Variants in HS6ST2 observed in about 807,000 individuals in gnomAD.
HS6ST2 encodes heparan-sulfate 6-O-sulfotransferase 2.
Under a neutral mutation model 33.0 loss-of-function variants are expected in HS6ST2, and 17 were observed. That is an observed-to-expected ratio of 0.52 (90% confidence interval 0.35 to 0.77). The LOEUF is 0.77. Ranked by LOEUF, HS6ST2 falls within the 30% of genes least tolerant of loss-of-function variation. The pLI is 0.01. For missense variants in HS6ST2, 519 were observed against 551.7 expected (o/e 0.94, Z 0.59); for synonymous variants, 248 against 237.1 (o/e 1.05, Z -0.42).
rs56390608 is a variant in HS6ST2 at position 132,811,685 on chromosome X, AATATATATATATATATATATATATAT to A, written c.948-103217_948-103192del. ...CAGAACTTTGTTTTAAAGGCTGAAT[AATATATATATATATATATATATATAT>A]ATATATATATATATCACATTTTGTT... On this transcript the variant is annotated intron_variant, in intron 2 of 4. Transcript: ENST00000370833. Among the ~76,000 whole-genome samples the A allele has an allele frequency of 4.7e-3, 139 of 29,807 alleles. 1 individual carries two copies. The highest frequency in any genetic ancestry group is 0.036 in the Middle Eastern group (1 of 28). The allele number at this position is 29,807 out of a possible 115,157, so 25.9% of individuals were successfully genotyped here. A position where few individuals can be genotyped will look rare whatever the true frequency, so the allele number is the denominator to read the frequency against.
chrX:132,712,885 C>T (rs1406001163), intron 2 of HS6ST2, among the ~76,000 whole-genome samples: 2 of 110,432 alleles, frequency 1.8e-5, no homozygotes, highest in Non-Finnish European at 3.8e-5. Context: ...ATTAGCCTGG[C>T]GTGGTGGCAG....
Position 132,738,435 on chromosome X carries a change from T to C in HS6ST2, c.948-29941A>G, listed in dbSNP as rs1460219076. 3.6e-5 allele frequency among the ~76,000 whole-genome samples: 4 copies of C among 112,358 alleles called. No homozygotes were observed. In the East Asian group the frequency reaches 8.4e-4, roughly 24 times the overall value. ...TTTCCCAAGGCGGGATGCAGAGTTG[T>C]GGGAAAAGAATGGAACAAGATTGCT... On this transcript the variant is annotated intron_variant, in intron 2 of 4. Transcript: ENST00000370833.
chrX:132,915,746 T>TGA (rs1025184285), intron 2 of HS6ST2, among the ~76,000 whole-genome samples: 2 of 109,516 alleles, frequency 1.8e-5, no homozygotes, highest in African/African-American at 6.7e-5. Context: ...TTTTTTTTTT[T>TGA]GAGAGAGAGT....
intron 2 of HS6ST2, among the ~76,000 whole-genome samples, chrX:132,845,153 T>C (rs950791267): frequency 1.8e-5 from 2 of 109,260 alleles, no homozygotes; most frequent in African/African-American, 6.6e-5. Context: ...ATACATATTG[T>C]GTATTTCATC....
At chrX:132,866,263 G>C (rs775487756) in intron 2 of HS6ST2, among the ~76,000 whole-genome samples, 3 of 111,110 alleles carry the variant, frequency 2.7e-5, no homozygotes, top group African/African-American at 6.6e-5. Context: ...TTGTTTTTCT[G>C]AGGTTTGTCA....
intron 2 of HS6ST2, among the ~76,000 whole-genome samples, chrX:132,933,373 T>C (rs1352863396): frequency 1.8e-5 from 2 of 110,733 alleles, no homozygotes; most frequent in African/African-American, 6.6e-5. Context: ...CAATTTGAGC[T>C]GGCAGGATAA....
At chrX:132,848,887 A>G (rs2065776536) in intron 2 of HS6ST2, among the ~76,000 whole-genome samples, 2 of 111,468 alleles carry the variant, frequency 1.8e-5, no homozygotes, top group South Asian at 7.6e-4. Flanking sequence ...TTCCTCACAT[A>G]CTCAAATGTA....
At chrX:132,704,011 C>T (rs2064166875) in intron 3 of HS6ST2, among the ~76,000 whole-genome samples, 1 of 111,776 alleles carries the variant, frequency 8.9e-6, no homozygotes, top group Non-Finnish European at 1.9e-5. Context: ...CCACAGAGAG[C>T]TTGGCATGTT....
intron 2 of HS6ST2, among the ~76,000 whole-genome samples, chrX:132,936,889 T>C (rs1428031478): frequency 1.9e-5 from 2 of 107,372 alleles, no homozygotes; most frequent in Non-Finnish European, 3.9e-5. Context: ...AGAAAGAAAA[T>C]GCATCCAAAT....
At chrX:132,936,518 T>G (rs1033261011) in intron 2 of HS6ST2, among the ~76,000 whole-genome samples, 1 of 112,059 alleles carries the variant, frequency 8.9e-6, no homozygotes, top group Non-Finnish European at 1.9e-5. Context: ...GACAAAGACA[T>G]CACAGGAAAA....
chrX:132,715,488 G>A (rs2064265493), intron 2 of HS6ST2, among the ~76,000 whole-genome samples: 1 of 112,013 alleles, frequency 8.9e-6, no homozygotes. Flanking sequence ...CAAACTCGGG[G>A]ATATGTCTTC....
chrX:132,839,528 C>T (rs1384811297), intron 2 of HS6ST2, among the ~76,000 whole-genome samples: 1 of 108,550 alleles, frequency 9.2e-6, no homozygotes, highest in Non-Finnish European at 1.9e-5. Context: ...GAATAATAAA[C>T]ACTGGAACCT....
Position 132,852,298 on chromosome X carries a change from C to T in HS6ST2, c.947+104510G>A, listed in dbSNP as rs2065810628. Among the ~76,000 whole-genome samples, 2 of 111,980 alleles carry T rather than the reference C, an allele frequency of 1.8e-5. 1 individual carries two copies. On this transcript the variant is annotated intron_variant, in intron 2 of 4. Transcript: ENST00000370833. ...AGGAGTAACTCCAAAGGGCATTTGACATTATGCATGATATTACACGCTGTA... is the reference window on the plus strand; with the variant it reads ...AGGAGTAACTCCAAAGGGCATTTGATATTATGCATGATATTACACGCTGTA...
intron 2 of HS6ST2, among the ~76,000 whole-genome samples, chrX:132,829,199 T>TATATATATATATATATACAC (rs55664940): frequency 0.022 from 1,637 of 72,931 alleles, 77 homozygotes; most frequent in Middle Eastern, 0.042. Flanking sequence ...TATATATATA[T>TATATATATATATATATACAC]ACATACTTAT....
chrX:132,889,975 G>T (rs983386457), intron 2 of HS6ST2, among the ~76,000 whole-genome samples: 2 of 111,556 alleles, frequency 1.8e-5, no homozygotes, highest in Non-Finnish European at 3.8e-5. Context: ...ATAACACAAA[G>T]ATTTTTAATT....
intron 2 of HS6ST2, among the ~76,000 whole-genome samples, chrX:132,897,700 T>C (rs1053756154): frequency 9.0e-6 from 1 of 111,102 alleles, no homozygotes; most frequent in Non-Finnish European, 1.9e-5. Context: ...TACAAGAAAG[T>C]GTGGATGTGA....
intron 2 of HS6ST2, among the ~76,000 whole-genome samples, chrX:132,757,820 A>G (rs1163762155): frequency 8.9e-6 from 1 of 112,192 alleles, no homozygotes; most frequent in Admixed American, 9.5e-5. Flanking sequence ...TTTAGCCAGC[A>G]TGTTTTGGGC....
intron 2 of HS6ST2, among the ~76,000 whole-genome samples, chrX:132,811,547 C>A (rs1033037430): frequency 9.4e-6 from 1 of 106,333 alleles, no homozygotes; most frequent in Admixed American, 1.0e-4. Flanking sequence ...CTAGGTACTT[C>A]ATACAAGGGG....
In HS6ST2 at chrX:132,751,761, C is replaced by T. The variant is rs190646879; in HGVS notation, c.948-43267G>A. On this transcript the variant is annotated intron_variant, in intron 2 of 4. Coordinates refer to ENST00000370833, the MANE Select transcript of HS6ST2 (RefSeq NM_001394073.1). ...GCCATTTCCCATGTATTAACCAGCA[C>T]GAAGGACACACTCCAACAAAGCTGG... 1.2e-4 allele frequency among the ~76,000 whole-genome samples: 13 copies of T among 112,591 alleles called. No homozygotes were observed. In the Middle Eastern group the frequency reaches 0.019, roughly 160 times the overall value.
Sources: allele counts gnomAD v4.1 joint callset (sites outside exome capture counted in the v4.1 genomes callset), GRCh38; gene constraint gnomAD v4.1.1; transcripts MANE v1.5; gene names NCBI Gene and HGNC (gene_info 2026-07-23, HGNC 2026-07-21).